LRCH2: variants seen among roughly 807,000 people sequenced by gnomAD.
The protein encoded by LRCH2 is leucine-rich repeat and calponin homology domain-containing protein 2.
In LRCH2, 38 loss-of-function variants were observed where a neutral mutation model predicts 68.9. The ratio of observed to expected loss-of-function variants is 0.55; its 90% CI spans 0.43 to 0.72. The LOEUF (loss-of-function observed/expected upper bound fraction) is 0.72. Ranked by LOEUF, LRCH2 falls within the 30% of genes least tolerant of loss-of-function variation. LRCH2 has a pLI of 0.00. For synonymous variants in LRCH2, 191 were observed against 208.1 expected (o/e 0.92, Z 0.71); for missense variants, 528 against 572.9 (o/e 0.92, Z 0.80).
rs781865912 is a variant in LRCH2 at position 115,122,584 on chromosome X, T to C, written c.2121A>G (p.Lys707=). Residue 707 remains lysine, a synonymous_variant, in exon 20 of 21, where the codon AAA becomes AAG. Transcript: ENST00000317135. The part of the protein sequence containing the change: ...SPAVPKLSMA[K]CRRNVENFLD... The stretch of plus-strand genomic sequence containing the variant: ...GAAAATTTTCTACATTTCTTCGACA[T>C]TTTGCCATGCTCAGTTTGGGCTGTA... The C allele has an allele frequency of 3.3e-6, 4 of 1,210,600 alleles. No homozygotes were observed. The South Asian group carries it at 7.1e-5, about 21-fold the overall frequency.
chrX:115,184,967 T>C (rs2072720977), intron 2 of LRCH2, among the ~76,000 whole-genome samples: 2 of 111,831 alleles, frequency 1.8e-5, no homozygotes, highest in Non-Finnish European at 3.8e-5. Context: ...ATTCAATACT[T>C]CCATGCTAGG....
At position 115,110,767 on chromosome X, in the gene LRCH2, TTAA is replaced by T. The variant is rs1200110202; in HGVS notation, c.*2446_*2448del. On this transcript the variant is annotated 3_prime_UTR_variant, in exon 21 of 21. Coordinates refer to ENST00000317135, the MANE Select transcript of LRCH2 (RefSeq NM_020871.4). Reference sequence around the variant, plus strand: ...TCAAAAAATTCAGTTAAAAAAGTCATTAAACTAGCATTCTGTAAAGATAATTAT... The same window carrying T: ...TCAAAAAATTCAGTTAAAAAAGTCATACTAGCATTCTGTAAAGATAATTAT... 8.9e-6 allele frequency: 1 copy of T among 112,262 alleles called. No homozygotes were observed. The highest frequency in any genetic ancestry group is 1.9e-5 in the Non-Finnish European group (1 of 53,234). 9.3% of individuals were successfully genotyped at this position (112,262 alleles called of 1,213,427 possible). A position where few individuals can be genotyped will look rare whatever the true frequency, so the allele number is the denominator to read the frequency against.
chrX:115,159,104 A>G (rs1556540581), intron 11 of LRCH2, among the ~76,000 whole-genome samples: 1 of 111,457 alleles, frequency 9.0e-6, no homozygotes, highest in Non-Finnish European at 1.9e-5. Flanking sequence ...TCTAAAAAAC[A>G]TGCTCCCTTT....
rs1556551833 is a variant in LRCH2, at chrX:115,179,583, A to G, written c.728-20T>C. ...CTAATTCTGGTCAGAAATGAAAAAT[A>G]ATTAATTAAATTTTACATAGTTACT... On this transcript the variant is annotated intron_variant, in intron 4 of 20. Coordinates refer to ENST00000317135, the MANE Select transcript of LRCH2 (RefSeq NM_020871.4). 13 of 1,100,106 alleles carry G rather than the reference A, an allele frequency of 1.2e-5. No homozygotes were observed. The highest frequency in any genetic ancestry group is 1.5e-5 in the Non-Finnish European group (13 of 841,354). The allele number at this position is 1,100,106 out of a possible 1,213,427, so 90.7% of individuals were successfully genotyped here.
chrX:115,226,067 A>T (rs2073117008), intron 1 of LRCH2, among the ~76,000 whole-genome samples: 1 of 111,600 alleles, frequency 9.0e-6, no homozygotes, highest in African/African-American at 3.3e-5. Context: ...TATACACAAG[A>T]GAAATCCTTG....
chrX:115,140,818 C>T (rs189543688), intron 14 of LRCH2, among the ~76,000 whole-genome samples: 5 of 108,659 alleles, frequency 4.6e-5, no homozygotes, highest in Admixed American at 2.9e-4. Flanking sequence ...CCATCTTGGC[C>T]GCAGTAGAAT....
chrX:115,149,015 A>G (rs1384160004), intron 14 of LRCH2, among the ~76,000 whole-genome samples: 1 of 111,680 alleles, frequency 9.0e-6, no homozygotes, highest in Non-Finnish European at 1.9e-5. Flanking sequence ...TGAACCTACA[A>G]TGTAGACTAG....
intron 20 of LRCH2, among the ~76,000 whole-genome samples, chrX:115,118,715 A>C (rs1316632122): frequency 2.7e-5 from 3 of 111,314 alleles, no homozygotes; most frequent in South Asian, 3.8e-4. Flanking sequence ...GACACAACCA[A>C]AAAAGAGAAT....
chrX:115,223,009 T>C (rs2073095378), intron 1 of LRCH2, among the ~76,000 whole-genome samples: 2 of 111,757 alleles, frequency 1.8e-5, no homozygotes, highest in Non-Finnish European at 3.8e-5. Flanking sequence ...GAAATACAAT[T>C]GAGAGTTCAG....
intron 14 of LRCH2, among the ~76,000 whole-genome samples, chrX:115,148,852 C>A (rs989878349): frequency 1.8e-5 from 2 of 111,453 alleles, no homozygotes; most frequent in African/African-American, 3.3e-5. Context: ...TACCACAGAT[C>A]CACTAAGACA....
At chrX:115,192,435 C>T (rs368773232) in intron 1 of LRCH2, 16 of 1,166,738 alleles carry the variant, frequency 1.4e-5, no homozygotes, top group Middle Eastern at 4.7e-4. Context: ...GCGGCGACCA[C>T]GACAGATCCA....
At chrX:115,207,323 G>C (rs1289945204) in intron 1 of LRCH2, among the ~76,000 whole-genome samples, 2 of 111,041 alleles carry the variant, frequency 1.8e-5, no homozygotes, top group African/African-American at 6.6e-5. Flanking sequence ...AGGATCATTT[G>C]AGCCCAGGTG....
At chrX:115,231,001 G>C (rs1200412566) in intron 1 of LRCH2, among the ~76,000 whole-genome samples, 2 of 110,650 alleles carry the variant, frequency 1.8e-5, no homozygotes, top group Non-Finnish European at 3.8e-5. Flanking sequence ...TGCAGCCAGG[G>C]TGGAGAACCA....
At chrX:115,163,592 C>T in intron 11 of LRCH2, 84 bp downstream of exon 11, 1 of 684,982 alleles carries the variant, frequency 1.5e-6, no homozygotes, top group Admixed American at 3.1e-5. Context: ...TTACTCAAAA[C>T]TTCATATACT....
chrX:115,184,302 T>C (rs1193668926), intron 3 of LRCH2, 109 bp downstream of exon 3: 8 of 613,975 alleles, frequency 1.3e-5, no homozygotes, highest in African/African-American at 2.3e-5. Flanking sequence ...ATATACCAAG[T>C]TAGTACTTTT....
intron 1 of LRCH2, among the ~76,000 whole-genome samples, chrX:115,208,781 CTTAAGT>C (rs781900061): frequency 9.8e-5 from 11 of 112,058 alleles, no homozygotes; most frequent in African/African-American, 1.9e-4. Flanking sequence ...AATTGTTAAA[CTTAAGT>C]TTAAGTGCTG....
chrX:115,171,901 G>A, intron 5 of LRCH2, among the ~76,000 whole-genome samples: 1 of 109,261 alleles, frequency 9.2e-6, no homozygotes, highest in Middle Eastern at 4.7e-3. Flanking sequence ...GGCTGTTCTC[G>A]AACTCCTGGG....
intron 11 of LRCH2, 25 bp downstream of exon 11, chrX:115,163,651 C>T (rs2072536515): frequency 9.3e-7 from 1 of 1,076,648 alleles, no homozygotes; most frequent in Non-Finnish European, 1.3e-6. Flanking sequence ...TTTGCCAATT[C>T]AAATCTCATT....
Position 115,165,630 on chromosome X carries a change from G to C in LRCH2, c.1224C>G (p.Asp408Glu). The change falls in exon 9 of 21, where the codon GAC becomes GAG. Residue 408 changes from aspartate to glutamate, a missense_variant. Coordinates refer to ENST00000317135, the MANE Select transcript of LRCH2 (RefSeq NM_020871.4). ...QKDQEVYDFVDPNTEDVAVPE... is the reference protein window; with the variant it reads ...QKDQEVYDFVEPNTEDVAVPE... ...GAACTGCTACATCTTCTGTGTTGGG[G>C]TCAACAAAATCATATACCTCCTGGT... 8.6e-7 allele frequency: 1 copy of C among 1,163,011 alleles called. No homozygotes were observed. Among genetic ancestry groups the C allele is most frequent in the Non-Finnish European group, 1.2e-6 (1 of 867,600 alleles).
Sources: gnomAD v4.1 joint callset for allele counts (sites outside exome capture counted in the v4.1 genomes callset) on GRCh38, gnomAD v4.1.1 for gene constraint, MANE v1.5 for transcripts, NCBI Gene and HGNC (gene_info 2026-07-23, HGNC 2026-07-21) for gene names.